Variants in CDH2 observed in about 807,000 individuals in gnomAD.
CDH2 encodes cadherin-2.
In CDH2, 17 loss-of-function variants were observed where a neutral mutation model predicts 92.0. The observed-to-expected ratio is 0.18, with a 90% CI of 0.13 to 0.28. CDH2 has a LOEUF of 0.28. CDH2 is among the 10% of genes least tolerant of loss of function. CDH2 has a pLI of 1.00. For synonymous variants in CDH2, 419 were observed against 415.9 expected (o/e 1.01, Z -0.09); for missense variants, 862 against 1,133.1 (o/e 0.76, Z 3.44).
chr18:27,975,543 G>A (rs1457312781), intron 14 of CDH2, among the ~76,000 whole-genome samples: 2 of 152,208 alleles, frequency 1.3e-5, no homozygotes, highest in East Asian at 1.9e-4. Context: ...AGCAAACTCC[G>A]TGCAGGCCCT....
intron 7 of CDH2, among the ~76,000 whole-genome samples, chr18:27,999,654 TTATATATATATACATATATACA>T (rs1180898201): frequency 6.6e-6 from 1 of 150,516 alleles, no homozygotes; most frequent in Non-Finnish European, 1.5e-5. Flanking sequence ...GCTTTTAAAT[TTATATATATATACATATATACA>T]TATATATATG....
Position 27,985,748 on chromosome 18 carries a change from C to T in CDH2, c.1755G>A (p.Met585Ile), listed in dbSNP as rs1194624307. 1 of 1,597,748 alleles carries T rather than the reference C, an allele frequency of 6.3e-7. No homozygotes were observed. Among genetic ancestry groups the T allele is most frequent in the South Asian group, 1.1e-5 (1 of 89,924 alleles). The change falls in exon 12 of 16, where the codon ATG becomes ATA. Residue 585 changes from methionine to isoleucine, a missense_variant. By Grantham distance (10) the Met-to-Ile change is conservative. Coordinates refer to ENST00000269141, the MANE Select transcript of CDH2 (RefSeq NM_001792.5). ...FLASDNGIPP[M>I]SGTGTLQIYL... ...AGATCTGCAGCGTTCCTGTTCCACT[C>T]ATAGGAGGAATTCCTGAAAAGAGAG...
At chr18:27,956,419 C>T (rs374502497) in intron 15 of CDH2, among the ~76,000 whole-genome samples, 3 of 152,088 alleles carry the variant, frequency 2.0e-5, no homozygotes, top group East Asian at 1.9e-4. Context: ...GCTTTATGGG[C>T]GGAGACATGC....
chr18:27,977,006 C>T (rs749831829), intron 14 of CDH2, among the ~76,000 whole-genome samples: 9 of 152,130 alleles, frequency 5.9e-5, no homozygotes, highest in Non-Finnish European at 1.0e-4. Flanking sequence ...TCATTGAAAG[C>T]GATACCGTAT....
intron 6 of CDH2, among the ~76,000 whole-genome samples, chr18:27,934,186 A>T (rs1019784078): frequency 2.0e-5 from 3 of 152,170 alleles, no homozygotes; most frequent in African/African-American, 7.2e-5. Flanking sequence ...ATTCACATGC[A>T]TATGGTCATT....
chr18:27,954,682 T>C (rs1909623792), intron 15 of CDH2: 1 of 152,196 alleles, frequency 6.6e-6, no homozygotes, highest in Non-Finnish European at 1.5e-5. Flanking sequence ...TGGTCAGTGA[T>C]TGGTACCTTA....
chr18:28,125,697 G>A (rs2015665641), intron 2 of CDH2, among the ~76,000 whole-genome samples: 1 of 152,080 alleles, frequency 6.6e-6, no homozygotes, highest in Non-Finnish European at 1.5e-5. Context: ...CTTGTTCTAA[G>A]CACTTTATAA....
At chr18:28,084,112 A>G (rs1015749179) in intron 2 of CDH2, among the ~76,000 whole-genome samples, 5 of 152,210 alleles carry the variant, frequency 3.3e-5, no homozygotes, top group African/African-American at 7.2e-5. Flanking sequence ...ACTTGGTGAC[A>G]GGAGCTGGCA....
At chr18:28,095,049 T>C (rs2015107435) in intron 2 of CDH2, among the ~76,000 whole-genome samples, 1 of 152,170 alleles carries the variant, frequency 6.6e-6, no homozygotes, top group Non-Finnish European at 1.5e-5. Flanking sequence ...TATTTTTTAG[T>C]GCCTTAAGAT....
At chr18:27,966,950 G>T (rs571143861) in intron 14 of CDH2, among the ~76,000 whole-genome samples, 2 of 152,160 alleles carry the variant, frequency 1.3e-5, no homozygotes, top group Non-Finnish European at 2.9e-5. Flanking sequence ...GCTAATTCAA[G>T]AAATGTGACT....
chr18:28,022,087 G>C (rs2013425478), intron 2 of CDH2, among the ~76,000 whole-genome samples: 1 of 151,880 alleles, frequency 6.6e-6, no homozygotes, highest in Admixed American at 6.6e-5. Context: ...TATTCCAATG[G>C]AGAATGGTCA....
Position 28,130,831 on chromosome 18 carries a change from T to G in CDH2, c.172+16842A>C, listed in dbSNP as rs549640375. Among the ~76,000 whole-genome samples, 8 of 152,260 alleles carry G rather than the reference T, an allele frequency of 5.3e-5. No individual in the cohort carries two copies. The South Asian group carries it at 1.5e-3, about 28-fold the overall frequency. On this transcript the variant is annotated intron_variant, in intron 2 of 15. Transcript: ENST00000269141. ...TTCAAAGTGGTCTAGAGTAGTAAAA[T>G]GACTAAATTTCCATAGGAGGGTGAG...
intron 1 of CDH2, among the ~76,000 whole-genome samples, chr18:28,159,780 C>T (rs1309955548): frequency 6.6e-6 from 1 of 152,102 alleles, no homozygotes; most frequent in African/African-American, 2.4e-5. Context: ...CCTCAGCCTC[C>T]TGAATAGCTG....
chr18:27,977,360 C>A, intron 14 of CDH2, among the ~76,000 whole-genome samples: 1 of 151,326 alleles, frequency 6.6e-6, no homozygotes, highest in Non-Finnish European at 1.5e-5. Context: ...GTAGTTGTTT[C>A]TTTTTTTTTC....
intron 1 of CDH2, among the ~76,000 whole-genome samples, chr18:28,161,448 C>A (rs1598518758): frequency 1.3e-5 from 2 of 151,990 alleles, no homozygotes; most frequent in Middle Eastern, 3.4e-3. Context: ...GGCATGTTGG[C>A]ACACACCTGT....
intron 2 of CDH2, among the ~76,000 whole-genome samples, chr18:28,114,681 C>T (rs1294080615): frequency 1.3e-5 from 2 of 151,922 alleles, no homozygotes; most frequent in African/African-American, 4.8e-5. Flanking sequence ...TCAAAGTTGA[C>T]GTTGTCTGGA....
chr18:28,151,969 T>C (rs1390373476), intron 1 of CDH2, among the ~76,000 whole-genome samples: 1 of 152,216 alleles, frequency 6.6e-6, no homozygotes, highest in Non-Finnish European at 1.5e-5. Context: ...TCCTGAAATT[T>C]GAATTTCATT....
chr18:28,023,655 T>C (rs1226698376), intron 2 of CDH2, among the ~76,000 whole-genome samples: 3 of 152,152 alleles, frequency 2.0e-5, no homozygotes, highest in Non-Finnish European at 4.4e-5. Flanking sequence ...TATGAATATT[T>C]ATTTGCCTCC....
At chr18:27,991,529 T>C (rs2012415747) in intron 9 of CDH2, among the ~76,000 whole-genome samples, 1 of 152,166 alleles carries the variant, frequency 6.6e-6, no homozygotes, top group Non-Finnish European at 1.5e-5. Context: ...TGCTAAGGGG[T>C]ATATGCACAG....
Sources: gnomAD v4.1 joint callset for allele counts (sites outside exome capture counted in the v4.1 genomes callset) on GRCh38, gnomAD v4.1.1 for gene constraint, MANE v1.5 for transcripts, NCBI Gene and HGNC (gene_info 2026-07-23, HGNC 2026-07-21) for gene names.